FBXL7: variants seen among roughly 807,000 people sequenced by gnomAD.
FBXL7 encodes F-box and leucine rich repeat protein 7, also known as F-box/LRR-repeat protein 7.
A neutral mutation model predicts 38.3 loss-of-function variants in FBXL7; 12 were observed. That is an observed-to-expected ratio of 0.31 (90% CI 0.20 to 0.51). The LOEUF (loss-of-function observed/expected upper bound fraction) is 0.51, where lower values mean the gene tolerates loss of function less well. FBXL7 is among the 20% of genes least tolerant of loss of function. FBXL7 has a pLI of 0.98. For missense variants in FBXL7, 567 were observed against 676.4 expected (o/e 0.84, Z 1.79); for synonymous variants, 297 against 300.9 (o/e 0.99, Z 0.13).
In FBXL7 at chr5:15,720,382, C is replaced by A. The variant is rs571853332; in HGVS notation, c.127+104310C>A. Among the ~76,000 whole-genome samples, 54 of 148,492 alleles carry A rather than the reference C, an allele frequency of 3.6e-4. 6 individuals are homozygous for A. The highest frequency in any genetic ancestry group is 6.9e-4 in the Non-Finnish European group (46 of 66,538). On this transcript the variant is annotated intron_variant, in intron 2 of 3. Transcript: ENST00000504595. Reference sequence around the variant, plus strand: ...TTCCACACTGTCAACTTTCAGCTTTCATTATATTTATCTTGGATGACTGAG... The same window carrying A: ...TTCCACACTGTCAACTTTCAGCTTTAATTATATTTATCTTGGATGACTGAG...
intron 2 of FBXL7, among the ~76,000 whole-genome samples, chr5:15,844,508 C>G (rs574850328): frequency 1.4e-3 from 212 of 152,306 alleles, no homozygotes; most frequent in African/African-American, 4.6e-3. Context: ...GAAAGAAAAC[C>G]AGGTGGGGTG....
chr5:15,657,842 T>TAAAA (rs70938025), intron 2 of FBXL7, among the ~76,000 whole-genome samples: 2 of 146,810 alleles, frequency 1.4e-5, no homozygotes, highest in East Asian at 2.0e-4. Flanking sequence ...TTGTCTAAAT[T>TAAAA]AAAAAAAAAA....
intron 2 of FBXL7, among the ~76,000 whole-genome samples, chr5:15,848,764 T>C (rs1393587143): frequency 6.6e-6 from 1 of 152,224 alleles, no homozygotes; most frequent in Non-Finnish European, 1.5e-5. Flanking sequence ...ACTGTGGGAT[T>C]TTGTTGTGGC....
intron 2 of FBXL7, among the ~76,000 whole-genome samples, chr5:15,881,911 A>G (rs1166930217): frequency 6.6e-6 from 1 of 152,202 alleles, no homozygotes; most frequent in Non-Finnish European, 1.5e-5. Context: ...TTCAGGCTAT[A>G]TAGGAAGCAT....
chr5:15,585,943 G>A (rs1055261711), intron 1 of FBXL7, among the ~76,000 whole-genome samples: 11 of 152,164 alleles, frequency 7.2e-5, no homozygotes, highest in African/African-American at 2.7e-4. Flanking sequence ...TTATTTTAAA[G>A]TAGATGATGT....
chr5:15,721,183 G>T (rs1579406482), intron 2 of FBXL7, among the ~76,000 whole-genome samples: 2 of 152,150 alleles, frequency 1.3e-5, no homozygotes, highest in Non-Finnish European at 2.9e-5. Flanking sequence ...TCATTATAGG[G>T]ACTAGGCAAA....
chr5:15,823,634 T>C (rs1482531645), intron 2 of FBXL7, among the ~76,000 whole-genome samples: 1 of 152,214 alleles, frequency 6.6e-6, no homozygotes, highest in Non-Finnish European at 1.5e-5. Context: ...GTTGCTCTAG[T>C]GGCTTGAAAG....
At chr5:15,625,290 A>T (rs757118096) in intron 2 of FBXL7, among the ~76,000 whole-genome samples, 1 of 152,204 alleles carries the variant, frequency 6.6e-6, no homozygotes, top group Non-Finnish European at 1.5e-5. Context: ...GTTAGTCATT[A>T]TATAGGATCT....
chr5:15,681,677 G>T (rs1213327858), intron 2 of FBXL7, among the ~76,000 whole-genome samples: 1 of 152,140 alleles, frequency 6.6e-6, no homozygotes, highest in Admixed American at 6.5e-5. Flanking sequence ...CTTTTAGTCA[G>T]ATAAAAGAAG....
At chr5:15,800,769 T>C (rs943718122) in intron 2 of FBXL7, among the ~76,000 whole-genome samples, 1 of 152,136 alleles carries the variant, frequency 6.6e-6, no homozygotes, top group Admixed American at 6.6e-5. Context: ...CGGGGTGTTA[T>C]CACAGAATTT....
intron 2 of FBXL7, among the ~76,000 whole-genome samples, chr5:15,780,955 A>G (rs1736974948): frequency 6.6e-6 from 1 of 152,084 alleles, no homozygotes; most frequent in Non-Finnish European, 1.5e-5. Flanking sequence ...GATTCCATTT[A>G]TCTTGATATT....
At chr5:15,898,503 A>G (rs755831457) in intron 2 of FBXL7, among the ~76,000 whole-genome samples, 2 of 152,206 alleles carry the variant, frequency 1.3e-5, no homozygotes, top group Non-Finnish European at 2.9e-5. Context: ...GTCAGCATTA[A>G]AAGAGAGAAA....
chr5:15,724,799 A>G (rs6891925), intron 2 of FBXL7, among the ~76,000 whole-genome samples: 80,918 of 152,018 alleles, frequency 0.53, 21,796 homozygotes, highest in East Asian at 0.68. Flanking sequence ...TTGCAAATAT[A>G]TTTATAAATG....
At chr5:15,525,610 G>A (rs1043661589) in intron 1 of FBXL7, among the ~76,000 whole-genome samples, 1 of 152,040 alleles carries the variant, frequency 6.6e-6, no homozygotes, top group South Asian at 2.1e-4. Flanking sequence ...GTGTGTGTGT[G>A]GGGGGTGGGG....
chr5:15,624,801 G>A (rs1051939097), intron 2 of FBXL7, among the ~76,000 whole-genome samples: 2 of 150,630 alleles, frequency 1.3e-5, no homozygotes, highest in African/African-American at 2.4e-5. Flanking sequence ...AAATCAGTCA[G>A]ATTTGCTTCA....
rs553163036 is a variant in FBXL7 at position 15,680,877 on chromosome 5, T to TAA, written c.127+64807_127+64808dup. ...TATGGCTTTAATTATTCTCACTGCC[T>TAA]AAATGAGGAAAGTGAAGCTTAGAGC... is the stretch of plus-strand genomic sequence containing the variant. On this transcript the variant is annotated intron_variant, in intron 2 of 3. Transcript: ENST00000504595. Among the ~76,000 whole-genome samples, 6 of 152,328 alleles carry TAA rather than the reference T, an allele frequency of 3.9e-5. No homozygotes were observed. The East Asian group carries it at 1.2e-3, about 29-fold the overall frequency.
chr5:15,726,977 C>A (rs1281531819), intron 2 of FBXL7, among the ~76,000 whole-genome samples: 1 of 151,160 alleles, frequency 6.6e-6, no homozygotes, highest in African/African-American at 2.4e-5. Context: ...TCTGTCATAT[C>A]CTTTTGTTGT....
chr5:15,807,551 T>C (rs1737746996), intron 2 of FBXL7, among the ~76,000 whole-genome samples: 1 of 152,138 alleles, frequency 6.6e-6, no homozygotes, highest in African/African-American at 2.4e-5. Context: ...GTATTAGAAA[T>C]TGAGGTTTCT....
chr5:15,686,100 G>A (rs936978663), intron 2 of FBXL7, among the ~76,000 whole-genome samples: 35 of 152,136 alleles, frequency 2.3e-4, no homozygotes, highest in Admixed American at 2.0e-3. Flanking sequence ...TGCACTTGAT[G>A]TACTGAAACC....
Sources: gnomAD v4.1 joint callset for allele counts (sites outside exome capture counted in the v4.1 genomes callset) on GRCh38, gnomAD v4.1.1 for gene constraint, MANE v1.5 for transcripts, NCBI Gene and HGNC (gene_info 2026-07-23, HGNC 2026-07-21) for gene names.